The following ZNF34 variants were observed in gnomAD, a reference collection of about 807,000 sequenced individuals.
The protein encoded by ZNF34 is zinc finger protein 34.
A neutral mutation model predicts 14.4 loss-of-function variants in ZNF34; 8 were observed. That is an observed-to-expected ratio of 0.55 (90% CI 0.33 to 1.00). The LOEUF (loss-of-function observed/expected upper bound fraction) is 1.00, where lower values mean the gene tolerates loss of function less well. ZNF34 is among the 50% of genes least tolerant of loss of function. The probability of loss-of-function intolerance (pLI) is 0.03; values close to 1 mark genes in which losing one functional copy is unlikely to be tolerated. For missense variants in ZNF34, 538 were observed against 674.2 expected (o/e 0.80, Z 2.24); for synonymous variants, 235 against 247.9 (o/e 0.95, Z 0.49).
At chr8:144,780,047 A>T (rs1024557059) in intron 2 of ZNF34, among the ~76,000 whole-genome samples, 181 bp downstream of exon 2, 12 of 149,048 alleles carry the variant, frequency 8.1e-5, no homozygotes, top group Non-Finnish European at 1.6e-4. Flanking sequence ...AAAAAAAAAA[A>T]TTAGCTGGCT....
At chr8:144,786,012 T>C (rs1826211093) in intron 1 of ZNF34, among the ~76,000 whole-genome samples, 4 of 135,726 alleles carry the variant, frequency 2.9e-5, no homozygotes, top group African/African-American at 5.7e-5. Context: ...TGAGACGGAG[T>C]CTTGCTCCAT....
Position 144,773,400 on chromosome 8 carries a change from A to C in ZNF34, c.1486T>G (p.Tyr496Asp). The C allele has an allele frequency of 6.2e-7, 1 of 1,606,586 alleles. No individual in the cohort carries two copies. Among genetic ancestry groups the C allele is most frequent in the Non-Finnish European group, 8.5e-7 (1 of 1,177,332 alleles). Reference protein sequence around the residue: ...DCKKAFSQSTYLIQHRRIHTG... With the variant: ...DCKKAFSQSTDLIQHRRIHTG... ...TGGATCCTCCGGTGCTGAATCAAGT[A>C]CGTGCTCTGGCTGAAGGCTTTCTTG... Residue 496 changes from tyrosine to aspartate, a missense_variant, in exon 6 of 6, where the codon TAC (tyrosine) becomes GAC (aspartate). This residue lies in a region of ZNF34 where 101 missense variants were observed against 123.1 expected (regional missense o/e 0.82). Coordinates refer to ENST00000429371, the MANE Select transcript of ZNF34 (RefSeq NM_001286769.2). This position sits in a 1 kb window ranked among gnomAD's most constrained non-coding sequence, Gnocchi z 5.4.
chr8:144,783,015 A>T (rs1825996250), intron 1 of ZNF34, among the ~76,000 whole-genome samples: 1 of 151,694 alleles, frequency 6.6e-6, no homozygotes, highest in African/African-American at 2.4e-5. Context: ...AAAAGAGCAA[A>T]AGGCCAGGTG....
In ZNF34 at chr8:144,782,842, C is replaced by CAAAAAAAAAAAAAAAAAAAAAAA. The variant is rs548252812; in HGVS notation, c.-107-2585_-107-2563dup. On this transcript the variant is annotated intron_variant, in intron 1 of 5. Transcript: ENST00000429371. ...ACAGAGACAGAACCAAAGCCTATCT[C>CAAAAAAAAAAAAAAAAAAAAAAA]AAAAAAAAAAAAAAAAAAAAAAAAA... is the stretch of plus-strand genomic sequence containing the variant. Among the ~76,000 whole-genome samples, 8 of 22,976 alleles carry CAAAAAAAAAAAAAAAAAAAAAAA rather than the reference C, an allele frequency of 3.5e-4. 3 individuals are homozygous for CAAAAAAAAAAAAAAAAAAAAAAA. Among genetic ancestry groups the CAAAAAAAAAAAAAAAAAAAAAAA allele is most frequent in the East Asian group, 0.012 (2 of 164 alleles). The allele number at this position is 22,976 out of a possible 152,430, so 15.1% of individuals were successfully genotyped here. A position where few individuals can be genotyped will look rare whatever the true frequency, so the allele number is the denominator to read the frequency against.
In ZNF34 at chr8:144,773,869, C is replaced by T. The variant is rs1006141478; in HGVS notation, c.1017G>A (p.Glu339=). ...CGCAGTCATTACATTTATAGGGTTT[C>T]TCTCCGGTGTGGATTCTCTGGTGAT... The part of the protein sequence containing the change: ...LIYHQRIHTG[E]KPYKCNDCGK... Residue 339 remains glutamate (E), a synonymous_variant, in exon 6 of 6, where the codon GAG becomes GAA. Coordinates refer to ENST00000429371, the MANE Select transcript of ZNF34 (RefSeq NM_001286769.2). This position sits in a 1 kb window ranked among gnomAD's most constrained non-coding sequence, Gnocchi z 5.4. 1 of 1,614,194 alleles carries T rather than the reference C, an allele frequency of 6.2e-7. No homozygotes were observed. Among genetic ancestry groups the T allele is most frequent in the South Asian group, 1.1e-5 (1 of 91,086 alleles).
Position 144,773,506 on chromosome 8 carries a change from C to T in ZNF34, c.1380G>A (p.Gly460=). 1 of 1,614,184 alleles carries T rather than the reference C, an allele frequency of 6.2e-7. No individual in the cohort carries two copies. Among genetic ancestry groups the T allele is most frequent in the Non-Finnish European group, 8.5e-7 (1 of 1,180,032 alleles). ...GEKPYKCSEC[G]KAFHNSSRLI... ...GTCTGGAACTGTTGTGGAAGGCCTTCCCACACTCGCTGCACTTGTAGGGCT... is the reference window on the plus strand; with the variant it reads ...GTCTGGAACTGTTGTGGAAGGCCTTTCCACACTCGCTGCACTTGTAGGGCT... Residue 460 remains glycine (G), a synonymous_variant, in exon 6 of 6, where the codon GGG becomes GGA. Coordinates refer to ENST00000429371, the MANE Select transcript of ZNF34 (RefSeq NM_001286769.2). The surrounding 1 kb of genome is among the most constrained non-coding windows in gnomAD (Gnocchi z 5.4).
chr8:144,782,147 C>A (rs2130297410), intron 1 of ZNF34, among the ~76,000 whole-genome samples: 1 of 152,200 alleles, frequency 6.6e-6, no homozygotes, highest in Non-Finnish European at 1.5e-5. Context: ...CTTGGTGAAA[C>A]CCCGTCTCTA....
At chr8:144,783,935 C>T (rs1340510492) in intron 1 of ZNF34, among the ~76,000 whole-genome samples, 3 of 151,698 alleles carry the variant, frequency 2.0e-5, no homozygotes, top group Admixed American at 6.6e-5. Context: ...GAGGCCAAGG[C>T]GGGAGGATCA....
chr8:144,785,600 TAAG>T (rs1252540582), intron 1 of ZNF34: 1 of 152,110 alleles, frequency 6.6e-6, no homozygotes, highest in Admixed American at 6.5e-5. Flanking sequence ...ATTTTTTAAT[TAAG>T]AAAAAATGTA....
intron 5 of ZNF34, among the ~76,000 whole-genome samples, chr8:144,775,712 G>A (rs1016103368): frequency 2.0e-5 from 3 of 152,232 alleles, no homozygotes; most frequent in African/African-American, 4.8e-5. Flanking sequence ...GAGCCAGGGA[G>A]CTCCTGGGGA....
chr8:144,777,408 A>G lies in ZNF34; in HGVS notation c.280+50T>C, dbSNP rs778669011. 22 of 1,543,658 alleles carry G rather than the reference A, an allele frequency of 1.4e-5. No individual in the cohort carries two copies. In the South Asian group the frequency reaches 1.8e-4, roughly 13 times the overall value. On this transcript the variant is annotated intron_variant, in intron 5 of 5. Coordinates refer to ENST00000429371, the MANE Select transcript of ZNF34 (RefSeq NM_001286769.2). This position sits in a 1 kb window ranked among gnomAD's most constrained non-coding sequence, Gnocchi z 4.8. ...CATTAATCAGACACCCTGGACCCCA[A>G]TAAAGGCTCGTTCGGTGACTTGAGT...
At chr8:144,778,286 A>T in intron 3 of ZNF34, 122 bp from the exon 4 acceptor site, 1 of 1,452,572 alleles carries the variant, frequency 6.9e-7, no homozygotes, top group South Asian at 1.4e-5. Flanking sequence ...TCTGCCACCG[A>T]GCCAGCTAAT....
Position 144,777,409 on chromosome 8 carries a change from T to C in ZNF34, c.280+49A>G. ...ATTAATCAGACACCCTGGACCCCAA[T>C]AAAGGCTCGTTCGGTGACTTGAGTT... On this transcript the variant is annotated intron_variant, in intron 5 of 5. Coordinates refer to ENST00000429371, the MANE Select transcript of ZNF34 (RefSeq NM_001286769.2). The surrounding 1 kb of genome is among the most constrained non-coding windows in gnomAD (Gnocchi z 4.8). The C allele has an allele frequency of 2.6e-6, 4 of 1,543,612 alleles. No individual in the cohort carries two copies. Among genetic ancestry groups the C allele is most frequent in the Non-Finnish European group, 3.5e-6 (4 of 1,142,156 alleles).
At chr8:144,784,603 C>T (rs183454148) in intron 1 of ZNF34, among the ~76,000 whole-genome samples, 233 of 151,136 alleles carry the variant, frequency 1.5e-3, no homozygotes, top group Non-Finnish European at 2.6e-3. Context: ...ACTAAAAATA[C>T]AAAAATTAGC....
chr8:144,780,551 G>T lies in ZNF34; in HGVS notation c.-107-271C>A, dbSNP rs1049910783. ...GCCTGCAATCCCAGCACTTTGGGAG[G>T]CTGAGGCGGGTGGATCACCTGAGGT... On this transcript the variant is annotated intron_variant, in intron 1 of 5. Transcript: ENST00000429371. 5.9e-5 allele frequency among the ~76,000 whole-genome samples: 9 copies of T among 152,370 alleles called. No homozygotes were observed. The East Asian group carries it at 7.7e-4, about 13-fold the overall frequency.
intron 1 of ZNF34, among the ~76,000 whole-genome samples, chr8:144,781,524 G>A (rs1825888544): frequency 6.6e-6 from 1 of 152,042 alleles, no homozygotes; most frequent in Non-Finnish European, 1.5e-5. Context: ...CCAAAGTGCT[G>A]GGATTACAGG....
chr8:144,780,303 G>A, intron 1 of ZNF34, 23 bp from the exon 2 acceptor site: 2 of 1,533,708 alleles, frequency 1.3e-6, no homozygotes, highest in Non-Finnish European at 1.8e-6. Context: ...AACACAGAAA[G>A]GCTAAGTATT....
In ZNF34 at chr8:144,777,798, C is replaced by A. The variant is rs890777689; in HGVS notation, c.161-221G>T. Among the ~76,000 whole-genome samples, 1 of 152,072 alleles carries A rather than the reference C, an allele frequency of 6.6e-6. No individual in the cohort carries two copies. The highest frequency in any genetic ancestry group is 1.5e-5 in the Non-Finnish European group (1 of 67,978). ...CTAGGAGGTATGCAACTCCGCCCCC[C>A]CGGTGTCCCCCGCCCTACCAGGGAG... On this transcript the variant is annotated intron_variant, in intron 4 of 5. Transcript: ENST00000429371. The surrounding 1 kb of genome is among the most constrained non-coding windows in gnomAD (Gnocchi z 4.8).
At chr8:144,782,522 A>T (rs1041363177) in intron 1 of ZNF34, among the ~76,000 whole-genome samples, 1 of 151,438 alleles carries the variant, frequency 6.6e-6, no homozygotes, top group Non-Finnish European at 1.5e-5. Context: ...AAAGAAAAGA[A>T]ATCAGATACA....
Sources: allele counts gnomAD v4.1 joint callset (sites outside exome capture counted in the v4.1 genomes callset), GRCh38; gene constraint gnomAD v4.1.1; regional missense constraint gnomAD v4.1.1; non-coding constraint Gnocchi (gnomAD v3.1); transcripts MANE v1.5; gene names NCBI Gene and HGNC (gene_info 2026-07-23, HGNC 2026-07-21).